The following ACVR1B variants were observed in gnomAD, a reference collection of about 807,000 sequenced individuals.
ACVR1B encodes the protein activin A receptor type 1B, also known as activin receptor type-1B.
Under a neutral mutation model 55.6 loss-of-function variants are expected in ACVR1B, and 15 were observed. That is an observed-to-expected ratio of 0.27 (90% CI 0.18 to 0.42). The LOEUF (loss-of-function observed/expected upper bound fraction) is 0.42, where lower values mean the gene tolerates loss of function less well. ACVR1B is among the 10% of genes least tolerant of loss of function. ACVR1B has a pLI of 1.00. For missense variants in ACVR1B, 359 were observed against 670.1 expected (o/e 0.54, Z 5.13); for synonymous variants, 247 against 254.6 (o/e 0.97, Z 0.28).
In ACVR1B at chr12:51,991,931, C is replaced by T. The variant is rs1326941381; in HGVS notation, c.1330C>T (p.Arg444Ter). ...CTCTGACCCTTCCATTGAGGAAATGCGAAAGGTTGTATGTGATCAGAAGCT... is the reference window on the plus strand; with the variant it reads ...CTCTGACCCTTCCATTGAGGAAATGTGAAAGGTTGTATGTGATCAGAAGCT... Reference protein sequence around the residue: ...VPSDPSIEEMRKVVCDQKLRP... With the variant: ...VPSDPSIEEM Residue 444 changes from arginine to a stop codon, truncating the protein, a stop_gained, in exon 8 of 9, where the codon CGA becomes TGA. Coordinates refer to ENST00000257963, the MANE Select transcript of ACVR1B (RefSeq NM_004302.5). LOFTEE classifies it high-confidence loss of function. 1 of 1,614,146 alleles carries T rather than the reference C, an allele frequency of 6.2e-7. No homozygotes were observed. The highest frequency in any genetic ancestry group is 8.5e-7 in the Non-Finnish European group (1 of 1,180,020).
At chr12:51,969,080 T>C (rs1941695578) in intron 1 of ACVR1B, among the ~76,000 whole-genome samples, 1 of 152,180 alleles carries the variant, frequency 6.6e-6, no homozygotes, top group African/African-American at 2.4e-5. Context: ...CTTCAGATGA[T>C]TCCAGCCCCA....
intron 1 of ACVR1B, among the ~76,000 whole-genome samples, chr12:51,956,805 G>T (rs1022238891): frequency 7.2e-5 from 11 of 151,756 alleles, no homozygotes; most frequent in African/African-American, 2.4e-4. Flanking sequence ...CTGTTGCCCA[G>T]GTTAGAGTCC....
Position 51,976,376 on chromosome 12 carries a change from G to A in ACVR1B, c.381G>A (p.Leu127=), listed in dbSNP as rs774261838. The A allele has an allele frequency of 6.8e-6, 11 of 1,614,042 alleles. No homozygotes were observed. Among genetic ancestry groups the A allele is most frequent in the Non-Finnish European group, 9.3e-6 (11 of 1,180,046 alleles). ...CGTCCATGTGGGGCCCGGTGGAGCT[G>A]GTAGGCATCATCGCCGGCCCGGTGT... The part of the protein sequence containing the change: ...EHPSMWGPVE[L]VGIIAGPVFL... Residue 127 remains leucine, a synonymous_variant, in exon 3 of 9, where the codon CTG becomes CTA. Transcript: ENST00000257963.
At chr12:51,958,208 G>A (rs1352790657) in intron 1 of ACVR1B, among the ~76,000 whole-genome samples, 1 of 152,198 alleles carries the variant, frequency 6.6e-6, no homozygotes, top group African/African-American at 2.4e-5. Context: ...TTTAATACAT[G>A]TAGTTAGAAG....
At chr12:51,953,609 AG>A (rs758802561) in intron 1 of ACVR1B, 1 of 689,920 alleles carries the variant, frequency 1.4e-6, no homozygotes. Flanking sequence ...AAAAAAAAAA[AG>A]GGAGATTGAA....
intron 7 of ACVR1B, among the ~76,000 whole-genome samples, chr12:51,991,594 G>A (rs922535323): frequency 1.6e-4 from 25 of 152,170 alleles, no homozygotes; most frequent in African/African-American, 4.8e-4. Flanking sequence ...TAGAGATGGG[G>A]TTTTACCGTG....
chr12:51,964,436 T>C (rs1355800499), intron 1 of ACVR1B, among the ~76,000 whole-genome samples: 1 of 152,246 alleles, frequency 6.6e-6, no homozygotes, highest in Non-Finnish European at 1.5e-5. Flanking sequence ...TCTTTTGATA[T>C]TGCCCTTTGA....
intron 8 of ACVR1B, 117 bp from the exon 9 acceptor site, chr12:51,993,868 T>C: frequency 1.6e-6 from 2 of 1,219,120 alleles, no homozygotes; most frequent in Non-Finnish European, 2.2e-6. Context: ...GCCGGGTGGA[T>C]GTGGATCTGC....
Position 51,980,817 on chromosome 12 carries a change from T to TA in ACVR1B, c.581-152_581-151insA, listed in dbSNP as rs1592256265. 17 of 624,390 alleles carry TA rather than the reference T, an allele frequency of 2.7e-5. No individual in the cohort carries two copies. In the East Asian group the frequency reaches 4.9e-4, roughly 18 times the overall value. The allele number at this position is 624,390 out of a possible 1,614,324, so 38.7% of individuals were successfully genotyped here. A position where few individuals can be genotyped will look rare whatever the true frequency, so the allele number is the denominator to read the frequency against. On this transcript the variant is annotated intron_variant, in intron 3 of 8. Transcript: ENST00000257963. ...AGCCCTCTGGTAGATTACCTAGAAA[T>TA]GTGTATGGGCAGCAGCAGCTCTCCA...
chr12:51,976,736 A>G (rs556020723), intron 3 of ACVR1B, among the ~76,000 whole-genome samples, 161 bp downstream of exon 3: 1 of 152,318 alleles, frequency 6.6e-6, no homozygotes, highest in African/African-American at 2.4e-5. Flanking sequence ...GACGTGTAAT[A>G]AGATAAGATA....
chr12:51,971,053 G>A (rs1941738245), intron 1 of ACVR1B, among the ~76,000 whole-genome samples: 1 of 152,084 alleles, frequency 6.6e-6, no homozygotes, highest in South Asian at 2.1e-4. Context: ...AGGCTAAATG[G>A]CCATGAATCT....
At chr12:51,973,509 T>C (rs1222095961) in intron 1 of ACVR1B, among the ~76,000 whole-genome samples, 1 of 152,118 alleles carries the variant, frequency 6.6e-6, no homozygotes, top group Non-Finnish European at 1.5e-5. Context: ...CAGAAGTAAA[T>C]GTAAAAGCAG....
At chr12:51,984,222 G>A in intron 5 of ACVR1B, 56 bp downstream of exon 5, 1 of 1,586,778 alleles carries the variant, frequency 6.3e-7, no homozygotes, top group South Asian at 1.1e-5. Context: ...GGTCCGCAGT[G>A]TCCTGATTTA....
At chr12:51,951,887 C>T in intron 1 of ACVR1B, 53 bp downstream of exon 1, 1 of 1,121,204 alleles carries the variant, frequency 8.9e-7, no homozygotes, top group Non-Finnish European at 1.1e-6. Context: ...CCGGCAAGGG[C>T]GAGGCCTCGA....
intron 1 of ACVR1B, among the ~76,000 whole-genome samples, chr12:51,964,323 T>C (rs779560536): frequency 6.6e-6 from 1 of 152,172 alleles, no homozygotes. Context: ...AGTTTTTAAT[T>C]GGGTTGTTGT....
At position 51,994,189 on chromosome 12, in the gene ACVR1B, A is replaced by C. The variant is rs1049303263; in HGVS notation, c.*79A>C. Reference sequence around the variant, plus strand: ...CGCGTTGAGCGTACGATGGAGGCCTACCTCTCGTTTCTGCCCAGCCCTCTG... The same window carrying C: ...CGCGTTGAGCGTACGATGGAGGCCTCCCTCTCGTTTCTGCCCAGCCCTCTG... On this transcript the variant is annotated 3_prime_UTR_variant, in exon 9 of 9. Coordinates refer to ENST00000257963, the MANE Select transcript of ACVR1B (RefSeq NM_004302.5). The surrounding 1 kb of genome is among the most constrained non-coding windows in gnomAD (Gnocchi z 4.2). The C allele has an allele frequency of 6.4e-7, 1 of 1,562,460 alleles. No homozygotes were observed.
Position 51,994,076 on chromosome 12 carries a change from C to T in ACVR1B, c.1484C>T (p.Ser495Phe), listed in dbSNP as rs1942250887. The change falls in exon 9 of 9, where the codon TCC becomes TTC. Residue 495 changes from serine to phenylalanine, a missense_variant. Ser to Phe is a radical substitution (Grantham distance 155). Transcript: ENST00000257963. This position sits in a 1 kb window ranked among gnomAD's most constrained non-coding sequence, Gnocchi z 4.2. Reference sequence around the variant, plus strand: ...GCCCTGCGCATCAAGAAGACCCTCTCCCAGCTCAGCGTGCAGGAAGACGTG... The same window carrying T: ...GCCCTGCGCATCAAGAAGACCCTCTTCCAGCTCAGCGTGCAGGAAGACGTG... Reference protein sequence around the residue: ...LTALRIKKTLSQLSVQEDVKI With the variant: ...LTALRIKKTLFQLSVQEDVKI 1 of 1,614,076 alleles carries T rather than the reference C, an allele frequency of 6.2e-7. No individual in the cohort carries two copies.
chr12:51,952,503 G>A (rs1200028993), intron 1 of ACVR1B, among the ~76,000 whole-genome samples: 1 of 152,172 alleles, frequency 6.6e-6, no homozygotes, highest in African/African-American at 2.4e-5. Context: ...CATGCCCCGT[G>A]GAGGCTATTT....
intron 1 of ACVR1B, among the ~76,000 whole-genome samples, chr12:51,953,040 A>G (rs1476762934): frequency 2.0e-5 from 3 of 152,064 alleles, no homozygotes. Context: ...TAGCAGATGA[A>G]GGTTATATTT....
Sources: allele counts gnomAD v4.1 joint callset (sites outside exome capture counted in the v4.1 genomes callset), GRCh38; gene constraint gnomAD v4.1.1; non-coding constraint Gnocchi (gnomAD v3.1); transcripts MANE v1.5; gene names NCBI Gene and HGNC (gene_info 2026-07-23, HGNC 2026-07-21).